The following TMC1 variants were observed in gnomAD, a reference collection of about 807,000 sequenced individuals.
TMC1 encodes transmembrane channel like 1, also known as transmembrane channel-like protein 1.
Under a neutral mutation model 105.8 loss-of-function variants are expected in TMC1, and 84 were observed. The observed-to-expected ratio is 0.79, with a 90% CI of 0.67 to 0.95. The LOEUF is 0.95. TMC1 is among the 40% of genes least tolerant of loss of function. The pLI is 0.00. For synonymous variants in TMC1, 315 were observed against 311.5 expected (o/e 1.01, Z -0.12); for missense variants, 817 against 914.1 (o/e 0.89, Z 1.37).
chr9:72,614,079 C>T (rs1215344274), intron 2 of TMC1, among the ~76,000 whole-genome samples: 2 of 152,170 alleles, frequency 1.3e-5, no homozygotes, highest in African/African-American at 4.8e-5. Context: ...TGAACCTGAG[C>T]AGAACTGCAA....
intron 5 of TMC1, among the ~76,000 whole-genome samples, chr9:72,664,108 T>G (rs1159022953): frequency 6.6e-6 from 1 of 152,216 alleles, no homozygotes; most frequent in Admixed American, 6.5e-5. Flanking sequence ...GTTAATTTCC[T>G]TTTTTACAAG....
intron 5 of TMC1, among the ~76,000 whole-genome samples, chr9:72,658,863 A>C (rs1182696909): frequency 6.6e-6 from 1 of 152,220 alleles, no homozygotes; most frequent in Non-Finnish European, 1.5e-5. Context: ...CATAGAGTGA[A>C]GATTCCCTCA....
intron 4 of TMC1, among the ~76,000 whole-genome samples, chr9:72,643,931 C>T (rs1164695114): frequency 6.6e-6 from 1 of 152,114 alleles, no homozygotes; most frequent in Non-Finnish European, 1.5e-5. Context: ...ATCCCCCTTC[C>T]AACACTTGCT....
chr9:72,556,808 G>A (rs1304338136), intron 1 of TMC1, among the ~76,000 whole-genome samples: 4 of 151,952 alleles, frequency 2.6e-5, no homozygotes, highest in East Asian at 2.0e-4. Flanking sequence ...GAGATAGAGC[G>A]AGACTCTGTC....
rs1825379667 is a variant in TMC1, at chr9:72,627,963, A to T, written c.-153A>T. 1 of 453,680 alleles carries T rather than the reference A, an allele frequency of 2.2e-6. No individual in the cohort carries two copies. The highest frequency in any genetic ancestry group is 4.4e-6 in the Non-Finnish European group (1 of 225,948). The allele number at this position is 453,680 out of a possible 1,614,324, so 28.1% of individuals were successfully genotyped here. On this transcript the variant is annotated 5_prime_UTR_variant, in exon 4 of 24. Coordinates refer to ENST00000297784, the MANE Select transcript of TMC1 (RefSeq NM_138691.3). ...AAATGGAAAACCCCCTGTGCTTCAC[A>T]TCTGAAAATCTCTGCTGGGGGCAGC...
At chr9:72,618,157 T>C (rs1395849865) in intron 3 of TMC1, among the ~76,000 whole-genome samples, 2 of 150,488 alleles carry the variant, frequency 1.3e-5, no homozygotes, top group East Asian at 4.0e-4. Context: ...GCCTCTCGAG[T>C]TGCTGGGATT....
intron 2 of TMC1, among the ~76,000 whole-genome samples, chr9:72,592,040 C>T (rs1036452283): frequency 3.3e-5 from 5 of 152,082 alleles, no homozygotes; most frequent in African/African-American, 1.2e-4. Context: ...ATACAATACA[C>T]AGAACAGCCC....
Position 72,525,623 on chromosome 9 carries a change from G to A in TMC1, c.-428+3710G>A, listed in dbSNP as rs193210722. Among the ~76,000 whole-genome samples the A allele has an allele frequency of 3.6e-3, 546 of 152,282 alleles. 2 individuals carry two copies. The highest frequency in any genetic ancestry group is 4.2e-3 in the Non-Finnish European group (283 of 68,022). Reference sequence around the variant, plus strand: ...TTGTTGTAGATGACAAGGCTCAGTGGATGGATCATCACTGAAAGAAAGGGA... The same window carrying A: ...TTGTTGTAGATGACAAGGCTCAGTGAATGGATCATCACTGAAAGAAAGGGA... On this transcript the variant is annotated intron_variant, in intron 1 of 23. Coordinates refer to ENST00000297784, the MANE Select transcript of TMC1 (RefSeq NM_138691.3).
intron 12 of TMC1, among the ~76,000 whole-genome samples, chr9:72,761,403 A>G (rs1827753261): frequency 6.6e-6 from 1 of 152,220 alleles, no homozygotes; most frequent in Non-Finnish European, 1.5e-5. Flanking sequence ...TTGTGAGTAA[A>G]GGGAAATGCA....
intron 2 of TMC1, among the ~76,000 whole-genome samples, chr9:72,607,448 T>A (rs1034132491): frequency 2.0e-5 from 3 of 148,162 alleles, no homozygotes; most frequent in African/African-American, 7.5e-5. Flanking sequence ...TGAAACCCCG[T>A]CTCTACTAAA....
At chr9:72,547,352 T>TA (rs11327869) in intron 1 of TMC1, among the ~76,000 whole-genome samples, 4 of 148,758 alleles carry the variant, frequency 2.7e-5, no homozygotes, top group Non-Finnish European at 4.5e-5. Context: ...TCAACCCCCC[T>TA]AAAAAAAAAT....
At chr9:72,666,728 G>A (rs1472053646) in intron 5 of TMC1, among the ~76,000 whole-genome samples, 1 of 152,078 alleles carries the variant, frequency 6.6e-6, no homozygotes, top group Non-Finnish European at 1.5e-5. Context: ...AAAATAAACA[G>A]TGGATCAATT....
chr9:72,719,177 A>C lies in TMC1; in HGVS notation c.362+18534A>C, dbSNP rs114961938. Among the ~76,000 whole-genome samples, 500 of 152,244 alleles carry C rather than the reference A, an allele frequency of 3.3e-3. 3 individuals carry two copies. Among genetic ancestry groups the C allele is most frequent in the African/African-American group, 0.011 (464 of 41,534 alleles). Reference sequence around the variant, plus strand: ...GTGCCACCTCCCTGCCTGTCACCGGATTCACATCCTCCCCCAAGTTCTGGC... The same window carrying C: ...GTGCCACCTCCCTGCCTGTCACCGGCTTCACATCCTCCCCCAAGTTCTGGC... On this transcript the variant is annotated intron_variant, in intron 8 of 23. Transcript: ENST00000297784.
chr9:72,777,512 T>G (rs1828025020), intron 13 of TMC1, among the ~76,000 whole-genome samples: 1 of 152,168 alleles, frequency 6.6e-6, no homozygotes, highest in Non-Finnish European at 1.5e-5. Flanking sequence ...GGCATGATAT[T>G]CTGGCAAATC....
At chr9:72,642,306 C>T (rs973236129) in intron 4 of TMC1, among the ~76,000 whole-genome samples, 1 of 152,098 alleles carries the variant, frequency 6.6e-6, no homozygotes, top group African/African-American at 2.4e-5. Context: ...CCCAGTGGTC[C>T]CTATGCCTCT....
chr9:72,635,151 A>G (rs902430792), intron 4 of TMC1, among the ~76,000 whole-genome samples: 1 of 151,880 alleles, frequency 6.6e-6, no homozygotes, highest in Non-Finnish European at 1.5e-5. Context: ...TACTTGGGAG[A>G]CTGAGGCAGG....
intron 1 of TMC1, among the ~76,000 whole-genome samples, chr9:72,552,486 C>A (rs774257971): frequency 7.2e-5 from 11 of 152,112 alleles, no homozygotes; most frequent in Non-Finnish European, 1.5e-4. Context: ...GTGGAGTGGG[C>A]TGCAAACACT....
chr9:72,582,940 G>A (rs546143945), intron 2 of TMC1, among the ~76,000 whole-genome samples: 1 of 152,122 alleles, frequency 6.6e-6, no homozygotes, highest in Non-Finnish European at 1.5e-5. Context: ...AACAGACAGG[G>A]CTGGGCGCAG....
At chr9:72,553,065 C>T (rs1823881820) in intron 1 of TMC1, among the ~76,000 whole-genome samples, 1 of 151,958 alleles carries the variant, frequency 6.6e-6, no homozygotes, top group Admixed American at 6.6e-5. Flanking sequence ...CCTCTGCCTC[C>T]CAGGTTCAAG....
Sources: gnomAD v4.1 joint callset for allele counts (sites outside exome capture counted in the v4.1 genomes callset) on GRCh38, gnomAD v4.1.1 for gene constraint, MANE v1.5 for transcripts, NCBI Gene and HGNC (gene_info 2026-07-23, HGNC 2026-07-21) for gene names.